The following CDH12 variants were observed in gnomAD, a reference collection of about 807,000 sequenced individuals.
CDH12 encodes cadherin-12.
A neutral mutation model predicts 74.1 loss-of-function variants in CDH12; 41 were observed. The ratio of observed to expected loss-of-function variants is 0.55; its 90% CI spans 0.43 to 0.72. The LOEUF (loss-of-function observed/expected upper bound fraction) is 0.72. CDH12 is among the 30% of genes least tolerant of loss of function. CDH12 has a pLI of 0.00. For missense variants in CDH12, 945 were observed against 977.2 expected (o/e 0.97, Z 0.44); for synonymous variants, 399 against 355.0 (o/e 1.12, Z -1.39).
chr5:22,656,228 T>C (rs1055624478), intron 1 of CDH12, among the ~76,000 whole-genome samples: 2 of 152,192 alleles, frequency 1.3e-5, no homozygotes, highest in African/African-American at 2.4e-5. Context: ...ACACACATGT[T>C]CTGCATTATT....
chr5:22,565,101 G>C (rs189101156), intron 1 of CDH12, among the ~76,000 whole-genome samples: 1 of 151,994 alleles, frequency 6.6e-6, no homozygotes. Flanking sequence ...ATGCCCAGCT[G>C]ATTTTTGTAT....
At chr5:22,734,958 A>G (rs1407537634) in intron 1 of CDH12, among the ~76,000 whole-genome samples, 1 of 151,944 alleles carries the variant, frequency 6.6e-6, no homozygotes, top group Non-Finnish European at 1.5e-5. Context: ...AGTCTCATTT[A>G]TAATTATGGA....
chr5:21,936,730 G>T (rs1213484497), intron 6 of CDH12, among the ~76,000 whole-genome samples: 1 of 152,132 alleles, frequency 6.6e-6, no homozygotes, highest in Middle Eastern at 3.2e-3. Context: ...CATGTGTCAT[G>T]GGGAGGGACC....
At chr5:22,396,310 C>T (rs1201726395) in intron 3 of CDH12, among the ~76,000 whole-genome samples, 1 of 152,050 alleles carries the variant, frequency 6.6e-6, no homozygotes, top group East Asian at 1.9e-4. Flanking sequence ...AAAAATCTGG[C>T]TGAATCAAAA....
intron 1 of CDH12, among the ~76,000 whole-genome samples, chr5:22,700,626 G>A (rs903888238): frequency 2.6e-5 from 4 of 152,178 alleles, no homozygotes; most frequent in Admixed American, 2.6e-4. Context: ...TGTTGAATCT[G>A]TATATCCTAG....
At chr5:22,395,828 C>T (rs1304373681) in intron 3 of CDH12, among the ~76,000 whole-genome samples, 1 of 152,010 alleles carries the variant, frequency 6.6e-6, no homozygotes, top group African/African-American at 2.4e-5. Context: ...AAGGCCTGCC[C>T]TGGAGGACTT....
At chr5:22,692,134 CTA>C (rs1742116317) in intron 1 of CDH12, among the ~76,000 whole-genome samples, 1 of 152,106 alleles carries the variant, frequency 6.6e-6, no homozygotes, top group African/African-American at 2.4e-5. Flanking sequence ...AGTTCTTGCT[CTA>C]TTAGTTCCTA....
chr5:22,204,169 T>C (rs1474325745), intron 4 of CDH12, among the ~76,000 whole-genome samples: 1 of 148,392 alleles, frequency 6.7e-6, no homozygotes, highest in East Asian at 1.9e-4. Flanking sequence ...TTTGTTTTTT[T>C]TTTTTTGTTT....
At chr5:22,083,480 A>G (rs1742874304) in intron 4 of CDH12, among the ~76,000 whole-genome samples, 1 of 152,284 alleles carries the variant, frequency 6.6e-6, no homozygotes, top group South Asian at 2.1e-4. Flanking sequence ...GGTCTACACT[A>G]TTACCTGGCA....
Position 21,751,609 on chromosome 5 carries a change from A to AAAGAGTGTGT in CDH12, c.*127_*128insACACACTCTT, listed in dbSNP as rs1554025828. 1.1e-4 allele frequency: 59 copies of AAAGAGTGTGT among 556,164 alleles called. No individual in the cohort carries two copies. Among genetic ancestry groups the AAAGAGTGTGT allele is most frequent in the African/African-American group, 7.5e-4 (30 of 39,930 alleles). 34.5% of individuals were successfully genotyped at this position (556,164 alleles called of 1,614,324 possible). A position where few individuals can be genotyped will look rare whatever the true frequency, so the allele number is the denominator to read the frequency against. ...GGTAATCAAAGGAATCTTGTCCCAG[A>AAAGAGTGTGT]GTGTGTGTGTGTGTGTGTGTGTTTG... On this transcript the variant is annotated 3_prime_UTR_variant, in exon 15 of 15. Coordinates refer to ENST00000382254, the MANE Select transcript of CDH12 (RefSeq NM_004061.5).
At chr5:21,857,287 A>G (rs1750805909) in intron 6 of CDH12, among the ~76,000 whole-genome samples, 1 of 151,902 alleles carries the variant, frequency 6.6e-6, no homozygotes, top group African/African-American at 2.4e-5. Context: ...TCTGGTATGT[A>G]GCAGTGAGCT....
chr5:22,706,064 G>A (rs541556129), intron 1 of CDH12, among the ~76,000 whole-genome samples: 27 of 152,074 alleles, frequency 1.8e-4, no homozygotes, highest in African/African-American at 6.5e-4. Context: ...TGCACAATTG[G>A]TATCTCAAAG....
At chr5:22,614,089 T>G (rs940635915) in intron 1 of CDH12, among the ~76,000 whole-genome samples, 4 of 152,128 alleles carry the variant, frequency 2.6e-5, no homozygotes, top group Non-Finnish European at 5.9e-5. Flanking sequence ...AATCATTTTA[T>G]GAAGTATAAA....
chr5:22,005,167 G>A (rs1580099792), intron 5 of CDH12, among the ~76,000 whole-genome samples: 1 of 151,792 alleles, frequency 6.6e-6, no homozygotes, highest in Admixed American at 6.6e-5. Flanking sequence ...CAGCCTCCTG[G>A]GTAGCTGGGA....
chr5:22,534,095 T>C (rs929914774), intron 1 of CDH12, among the ~76,000 whole-genome samples: 2 of 152,216 alleles, frequency 1.3e-5, no homozygotes, highest in Admixed American at 6.5e-5. Flanking sequence ...TGTGCTCTTA[T>C]GTTAAGAAAA....
intron 3 of CDH12, among the ~76,000 whole-genome samples, chr5:22,391,344 T>C (rs1742239265): frequency 6.6e-6 from 1 of 152,222 alleles, no homozygotes; most frequent in East Asian, 1.9e-4. Context: ...AAGGAAGTTA[T>C]TGTCATCTGT....
chr5:21,853,821 A>G (rs1750603620), intron 7 of CDH12, among the ~76,000 whole-genome samples: 3 of 151,682 alleles, frequency 2.0e-5, no homozygotes, highest in African/African-American at 7.3e-5. Context: ...ACAGTTTTCC[A>G]TTATTTTAAG....
intron 4 of CDH12, among the ~76,000 whole-genome samples, chr5:22,178,252 C>T (rs57626343): frequency 0.37 from 55,536 of 151,908 alleles, 11,747 homozygotes; most frequent in East Asian, 0.73. Context: ...CAGATGTGGA[C>T]TCAGCTCAAA....
At chr5:22,837,538 C>T (rs1736884825) in intron 1 of CDH12, among the ~76,000 whole-genome samples, 1 of 152,130 alleles carries the variant, frequency 6.6e-6, no homozygotes, top group Non-Finnish European at 1.5e-5. Context: ...TACACAGAAA[C>T]ATATGTCAAA....
Sources: allele counts gnomAD v4.1 joint callset (sites outside exome capture counted in the v4.1 genomes callset), GRCh38; gene constraint gnomAD v4.1.1; transcripts MANE v1.5; gene names NCBI Gene and HGNC (gene_info 2026-07-23, HGNC 2026-07-21).